The following ZEB2 variants were observed in gnomAD, a reference collection of about 807,000 sequenced individuals.
The protein encoded by ZEB2 is zinc finger E-box binding homeobox 2, also known as zinc finger E-box-binding homeobox 2.
ZEB2 carries 6 observed loss-of-function variants against 99.9 expected under a neutral mutation model. The ratio of observed to expected loss-of-function variants is 0.06; its 90% CI spans 0.03 to 0.12. The LOEUF (loss-of-function observed/expected upper bound fraction) is 0.12, where lower values mean the gene tolerates loss of function less well. Among genes scored for constraint, ZEB2 ranks in the 10% least tolerant of loss-of-function variants. ZEB2 has a pLI of 1.00. For synonymous variants in ZEB2, 517 were observed against 542.5 expected (o/e 0.95, Z 0.65); for missense variants, 969 against 1,502.8 (o/e 0.64, Z 5.87).
intron 2 of ZEB2, among the ~76,000 whole-genome samples, chr2:144,440,257 T>C (rs894416911): frequency 6.6e-6 from 1 of 152,130 alleles, no homozygotes; most frequent in Non-Finnish European, 1.5e-5. Flanking sequence ...CTTCTAAATG[T>C]TGTAATCATT....
chr2:144,511,497 T>G, intron 2 of ZEB2: 1 of 1,280,862 alleles, frequency 7.8e-7, no homozygotes, highest in Non-Finnish European at 1.0e-6. Context: ...CACATAGCTA[T>G]TAAGGCAAAG....
At chr2:144,496,766 A>G (rs1346901036) in intron 2 of ZEB2, 1 of 152,220 alleles carries the variant, frequency 6.6e-6, no homozygotes, top group Non-Finnish European at 1.5e-5. Flanking sequence ...ATCAGATGAC[A>G]TAGGCAAAAT....
At chr2:144,412,755 C>A (rs1266144549) in intron 4 of ZEB2, among the ~76,000 whole-genome samples, 1 of 152,192 alleles carries the variant, frequency 6.6e-6, no homozygotes, top group Admixed American at 6.5e-5. Flanking sequence ...ACTATCTCAG[C>A]CTGAGTTCAC....
Position 144,398,388 on chromosome 2 carries a change from T to C in ZEB2, c.2799A>G (p.Pro933=). The C allele has an allele frequency of 1.2e-6, 2 of 1,614,000 alleles. No individual in the cohort carries two copies. Among genetic ancestry groups the C allele is most frequent in the Non-Finnish European group, 1.7e-6 (2 of 1,179,958 alleles). Reference sequence around the variant, plus strand: ...CAGTTGGGTAGGTGTAGGCCATATGTGGTAGGAAGCTCATCTGATCCAGTC... The same window carrying C: ...CAGTTGGGTAGGTGTAGGCCATATGCGGTAGGAAGCTCATCTGATCCAGTC... The part of the protein sequence containing the change: ...YPGLDQMSFL[P]HMAYTYPTGA... Residue 933 remains proline, a synonymous_variant, in exon 8 of 10, where the codon CCA becomes CCG. Coordinates refer to ENST00000627532, the MANE Select transcript of ZEB2 (RefSeq NM_014795.4).
At chr2:144,394,884 C>T (rs970759222) in intron 9 of ZEB2, among the ~76,000 whole-genome samples, 5 of 151,822 alleles carry the variant, frequency 3.3e-5, no homozygotes, top group African/African-American at 9.7e-5. Context: ...GAATAATAGC[C>T]GATGATGAGT....
intron 2 of ZEB2, among the ~76,000 whole-genome samples, chr2:144,498,272 G>A (rs1261319311): frequency 6.8e-6 from 1 of 147,970 alleles, no homozygotes; most frequent in African/African-American, 2.5e-5. Context: ...CAAGGGGTAG[G>A]AAGGTCCTCG....
intron 2 of ZEB2, chr2:144,512,715 T>C (rs779680415): frequency 7.8e-7 from 1 of 1,287,192 alleles, no homozygotes; most frequent in South Asian, 1.2e-5. Context: ...AAGGAAAGCA[T>C]GTTTCTACCC....
chr2:144,471,706 C>T (rs1337086121), intron 2 of ZEB2, among the ~76,000 whole-genome samples: 1 of 151,852 alleles, frequency 6.6e-6, no homozygotes, highest in Non-Finnish European at 1.5e-5. Flanking sequence ...ATCATTTACA[C>T]GAATATTTCA....
At chr2:144,395,207 C>T (rs1703208706) in intron 9 of ZEB2, among the ~76,000 whole-genome samples, 1 of 151,920 alleles carries the variant, frequency 6.6e-6, no homozygotes, top group Non-Finnish European at 1.5e-5. Context: ...CTATGTTGTG[C>T]AGGCTGGTCT....
intron 2 of ZEB2, among the ~76,000 whole-genome samples, chr2:144,452,807 A>G (rs1161524633): frequency 6.6e-6 from 1 of 152,160 alleles, no homozygotes; most frequent in Non-Finnish European, 1.5e-5. Flanking sequence ...AGAGAAAGAG[A>G]GAGAGGAGGA....
intron 2 of ZEB2, chr2:144,463,511 A>G (rs868285380): frequency 1.3e-5 from 2 of 152,120 alleles, no homozygotes; most frequent in Non-Finnish European, 2.9e-5. Flanking sequence ...GTGACATGCC[A>G]TAGTTTCAAA....
At chr2:144,460,796 T>C (rs868100254) in intron 2 of ZEB2, among the ~76,000 whole-genome samples, 3 of 152,126 alleles carry the variant, frequency 2.0e-5, no homozygotes, top group Middle Eastern at 3.2e-3. Flanking sequence ...TAATTATGAA[T>C]GTTGCAGTTA....
At chr2:144,403,431 C>G (rs1484437589) in intron 6 of ZEB2, among the ~76,000 whole-genome samples, 1 of 151,886 alleles carries the variant, frequency 6.6e-6, no homozygotes, top group East Asian at 1.9e-4. Context: ...AACACTTAAT[C>G]AGATTTCATA....
chr2:144,471,293 A>T (rs1426230939), intron 2 of ZEB2, among the ~76,000 whole-genome samples: 2 of 152,166 alleles, frequency 1.3e-5, no homozygotes. Context: ...CATTTTTTAA[A>T]GGGATGGGAT....
chr2:144,503,773 C>T (rs911080414), intron 2 of ZEB2: 4 of 152,118 alleles, frequency 2.6e-5, no homozygotes, highest in Admixed American at 6.5e-5. Flanking sequence ...GTATCTTAGA[C>T]ATCTTAAGGT....
chr2:144,498,524 T>C (rs1424464862), intron 2 of ZEB2, among the ~76,000 whole-genome samples: 1 of 152,178 alleles, frequency 6.6e-6, no homozygotes, highest in East Asian at 1.9e-4. Flanking sequence ...TATGAAATCG[T>C]CATCATCACA....
At chr2:144,453,533 G>A (rs753038186) in intron 2 of ZEB2, among the ~76,000 whole-genome samples, 12 of 152,164 alleles carry the variant, frequency 7.9e-5, no homozygotes, top group Non-Finnish European at 1.3e-4. Context: ...TCATTAGCTT[G>A]GAGTCTAGCT....
chr2:144,424,930 C>T (rs1420540788), intron 3 of ZEB2, 63 bp from the exon 4 acceptor site: 34 of 1,525,410 alleles, frequency 2.2e-5, no homozygotes, highest in Non-Finnish European at 2.7e-5. Context: ...ACTAAGCATG[C>T]CAAGCACAGG....
At chr2:144,442,139 G>A (rs1703926205) in intron 2 of ZEB2, among the ~76,000 whole-genome samples, 1 of 152,134 alleles carries the variant, frequency 6.6e-6, no homozygotes, top group Non-Finnish European at 1.5e-5. Context: ...TCTTGGAGGT[G>A]AAGACCTGAA....
Sources: allele counts gnomAD v4.1 joint callset (sites outside exome capture counted in the v4.1 genomes callset), GRCh38; gene constraint gnomAD v4.1.1; transcripts MANE v1.5; gene names NCBI Gene and HGNC (gene_info 2026-07-23, HGNC 2026-07-21).